Variants in FAM53B observed in about 807,000 individuals in gnomAD.
FAM53B encodes the protein protein FAM53B.
In FAM53B, 12 loss-of-function variants were observed where a neutral mutation model predicts 32.7. That is an observed-to-expected ratio of 0.37 (90% CI 0.24 to 0.59). The LOEUF (loss-of-function observed/expected upper bound fraction) is 0.59. Ranked by LOEUF, FAM53B falls within the 20% of genes least tolerant of loss-of-function variation. The pLI, the probability that FAM53B is intolerant of heterozygous loss-of-function variation, is 0.72. For missense variants in FAM53B, 477 were observed against 577.7 expected (o/e 0.83, Z 1.79); for synonymous variants, 234 against 228.7 (o/e 1.02, Z -0.21).
intron 3 of FAM53B, among the ~76,000 whole-genome samples, chr10:124,695,015 C>A (rs900859461): frequency 6.6e-6 from 1 of 152,196 alleles, no homozygotes; most frequent in African/African-American, 2.4e-5. Flanking sequence ...GCAGAGCCAG[C>A]GGGGCCCAGC....
At chr10:124,652,539 C>T (rs1037976474) in intron 4 of FAM53B, among the ~76,000 whole-genome samples, 4 of 152,224 alleles carry the variant, frequency 2.6e-5, no homozygotes, top group African/African-American at 7.2e-5. Flanking sequence ...CCACTTCCCT[C>T]CTCTGGCCTC....
intron 4 of FAM53B, among the ~76,000 whole-genome samples, chr10:124,630,080 G>A (rs1322766605): frequency 3.3e-5 from 5 of 152,240 alleles, no homozygotes; most frequent in Non-Finnish European, 7.3e-5. Flanking sequence ...GGCCAGGTCA[G>A]CTGCTCGCCC....
At chr10:124,667,914 G>A (rs1342747300) in intron 4 of FAM53B, among the ~76,000 whole-genome samples, 1 of 152,164 alleles carries the variant, frequency 6.6e-6, no homozygotes, top group Non-Finnish European at 1.5e-5. Context: ...CACGACATGG[G>A]GAGGAGGACA....
In FAM53B at chr10:124,681,828, G is replaced by C. The variant is rs1210547369; in HGVS notation, c.685C>G (p.Leu229Val). The C allele has an allele frequency of 2.5e-6, 4 of 1,611,688 alleles. No homozygotes were observed. The highest frequency in any genetic ancestry group is 1.1e-5 in the South Asian group (1 of 90,694). ...GAAAACTGCTCATGTGAGCAAGAGA[G>C]GGACCGCTGCAGGTCCAGCCGGCCT... ...GGGRLDLQRS[L>V]SCSHEQFSFV... The change falls in exon 4 of 5, where the codon CTC becomes GTC. Residue 229 changes from leucine (L) to valine (V), a missense_variant. Coordinates refer to ENST00000337318, the MANE Select transcript of FAM53B (RefSeq NM_014661.4).
At chr10:124,701,249 G>C (rs1158402892) in intron 2 of FAM53B, among the ~76,000 whole-genome samples, 1 of 152,258 alleles carries the variant, frequency 6.6e-6, no homozygotes, top group Non-Finnish European at 1.5e-5. Context: ...CAGTGCCCAG[G>C]CAACTGGGTG....
chr10:124,679,448 C>T (rs1949755224), intron 4 of FAM53B, among the ~76,000 whole-genome samples: 1 of 152,202 alleles, frequency 6.6e-6, no homozygotes, highest in African/African-American at 2.4e-5. Context: ...CCCTAGGCCT[C>T]GTTCTCAGGG....
At chr10:124,737,275 TCAC>T (rs979515848) in intron 1 of FAM53B, among the ~76,000 whole-genome samples, 10 of 152,082 alleles carry the variant, frequency 6.6e-5, no homozygotes, top group Admixed American at 3.9e-4. Flanking sequence ...TATTCACTAC[TCAC>T]CACCACCACA....
intron 4 of FAM53B, among the ~76,000 whole-genome samples, chr10:124,664,527 T>G (rs1011680751): frequency 6.6e-6 from 1 of 152,166 alleles, no homozygotes; most frequent in Non-Finnish European, 1.5e-5. Flanking sequence ...CCCCCAAGTC[T>G]TCAAAACCCG....
At chr10:124,662,664 A>G (rs572711149) in intron 4 of FAM53B, among the ~76,000 whole-genome samples, 16 of 152,322 alleles carry the variant, frequency 1.1e-4, no homozygotes, top group South Asian at 8.3e-4. Flanking sequence ...AAAAATTAAA[A>G]GACTTAAAAA....
chr10:124,683,679 G>A (rs796416522), intron 3 of FAM53B, among the ~76,000 whole-genome samples: 2 of 152,280 alleles, frequency 1.3e-5, no homozygotes, highest in African/African-American at 4.8e-5. Flanking sequence ...GCTTAGTCAG[G>A]CCCCAGAGCG....
At chr10:124,696,047 G>T in intron 3 of FAM53B, 111 bp downstream of exon 3, 1 of 873,870 alleles carries the variant, frequency 1.1e-6, no homozygotes, top group Non-Finnish European at 1.9e-6. Context: ...TCCCGGGGCT[G>T]CTCTTTTTGA....
At chr10:124,664,303 C>T (rs781704145) in intron 4 of FAM53B, among the ~76,000 whole-genome samples, 2 of 152,160 alleles carry the variant, frequency 1.3e-5, no homozygotes, top group Non-Finnish European at 2.9e-5. Context: ...GAGCTGGGGC[C>T]CGCTTACCCC....
intron 4 of FAM53B, among the ~76,000 whole-genome samples, chr10:124,656,103 C>T (rs1001032575): frequency 1.3e-5 from 2 of 152,226 alleles, no homozygotes; most frequent in Non-Finnish European, 2.9e-5. Context: ...GAACAGGTGG[C>T]AAAGAGAAAC....
intron 1 of FAM53B, chr10:124,742,899 A>AG (rs1367229328): frequency 6.6e-6 from 1 of 152,178 alleles, no homozygotes; most frequent in Admixed American, 6.5e-5. Context: ...TGTGGCCTAT[A>AG]GGAGGCAGAA....
chr10:124,686,507 C>A (rs891268403), intron 3 of FAM53B, among the ~76,000 whole-genome samples: 2 of 152,236 alleles, frequency 1.3e-5, no homozygotes, highest in South Asian at 4.1e-4. Context: ...CCTTTATCTT[C>A]CTTTCACCAA....
chr10:124,694,919 C>A (rs527364411), intron 3 of FAM53B, among the ~76,000 whole-genome samples: 3 of 152,320 alleles, frequency 2.0e-5, no homozygotes, highest in Admixed American at 6.5e-5. Flanking sequence ...TCGTCACCCA[C>A]CTGAGTCCAA....
At chr10:124,673,513 A>G (rs1055814428) in intron 4 of FAM53B, among the ~76,000 whole-genome samples, 3 of 152,182 alleles carry the variant, frequency 2.0e-5, no homozygotes, top group Non-Finnish European at 4.4e-5. Context: ...GCCCTCCTGC[A>G]TGGGAAGTTT....
chr10:124,737,912 G>A (rs939613872), intron 1 of FAM53B, among the ~76,000 whole-genome samples: 6 of 152,132 alleles, frequency 3.9e-5, no homozygotes, highest in African/African-American at 1.4e-4. Context: ...TGGGGAGGCA[G>A]GGCCTGCATG....
At chr10:124,718,118 TGCAG>T (rs1367927614) in intron 1 of FAM53B, among the ~76,000 whole-genome samples, 2 of 151,898 alleles carry the variant, frequency 1.3e-5, no homozygotes, top group Admixed American at 6.6e-5. Context: ...CTAGGAGGCC[TGCAG>T]GCTGGTAGCC....
Sources: allele counts gnomAD v4.1 joint callset (sites outside exome capture counted in the v4.1 genomes callset), GRCh38; gene constraint gnomAD v4.1.1; transcripts MANE v1.5; gene names NCBI Gene and HGNC (gene_info 2026-07-23, HGNC 2026-07-21).